Variants in EP400 observed in about 807,000 individuals in gnomAD.
The protein encoded by EP400 is E1A binding protein p400.
EP400 carries 105 observed loss-of-function variants against 354.1 expected under a neutral mutation model. The observed-to-expected ratio is 0.30, with a 90% CI of 0.25 to 0.35. The LOEUF is 0.35. Ranked by LOEUF, EP400 falls within the 10% of genes least tolerant of loss-of-function variation. EP400 has a pLI of 1.00. For missense variants in EP400, 3,280 were observed against 4,121.0 expected (o/e 0.80, Z 5.59); for synonymous variants, 1,646 against 1,716.9 (o/e 0.96, Z 1.02).
chr12:132,078,883 CAG>C lies in EP400; in HGVS notation c.*1211_*1212del, dbSNP rs1896313078. On this transcript the variant is annotated 3_prime_UTR_variant, in exon 53 of 53. Coordinates refer to ENST00000389561, the MANE Select transcript of EP400 (RefSeq NM_015409.5). ...ACTGTTTTTCCTTTTTTTACTATGA[CAG>C]GAAAATAAATGCAATTTTAGTGGAA... 1 of 152,158 alleles carries C rather than the reference CAG, an allele frequency of 6.6e-6. No individual in the cohort carries two copies. Among genetic ancestry groups the C allele is most frequent in the African/African-American group, 2.4e-5 (1 of 41,436 alleles). 9.4% of individuals were successfully genotyped at this position (152,158 alleles called of 1,614,324 possible).
In EP400 at chr12:132,005,150, G is replaced by A. The variant is rs761708175; in HGVS notation, c.2901G>A (p.Pro967=). 76 of 1,583,428 alleles carry A rather than the reference G, an allele frequency of 4.8e-5. No individual in the cohort carries two copies. Among genetic ancestry groups the A allele is most frequent in the Admixed American group, 2.0e-4 (11 of 55,056 alleles). The stretch of plus-strand genomic sequence containing the variant: ...TGCCGAGTTCTCAGTGGCCCCGGCC[G>A]AAGCCTGATGGGGAGGACACAAGCG... ...AFLPSSQWPR[P]KPDGEDTSGE... is the part of the protein sequence containing the mutation. The change falls in exon 13 of 53, where the codon CCG becomes CCA. Residue 967 remains proline (P), a synonymous_variant. Transcript: ENST00000389561.
At chr12:131,982,980 A>T (rs1037537673) in intron 5 of EP400, among the ~76,000 whole-genome samples, 19 of 151,268 alleles carry the variant, frequency 1.3e-4, no homozygotes, top group Non-Finnish European at 2.2e-4. Context: ...AAAAAAAAAA[A>T]AAAAATAATA....
intron 2 of EP400, among the ~76,000 whole-genome samples, chr12:131,976,796 G>T (rs1892491608): frequency 6.6e-6 from 1 of 152,192 alleles, no homozygotes; most frequent in Admixed American, 6.5e-5. Flanking sequence ...TGAAAACTCA[G>T]TTCAGTACTT....
At chr12:132,046,234 A>G (rs1895093173) in intron 39 of EP400, among the ~76,000 whole-genome samples, 1 of 152,208 alleles carries the variant, frequency 6.6e-6, no homozygotes, top group Non-Finnish European at 1.5e-5. Context: ...GTGTCATCTG[A>G]ATACTTGGCC....
chr12:131,967,452 C>G (rs1892140099), intron 2 of EP400, among the ~76,000 whole-genome samples: 1 of 151,782 alleles, frequency 6.6e-6, no homozygotes, highest in African/African-American at 2.4e-5. Context: ...CTTTGGGAGG[C>G]CGAGGCTGGC....
At chr12:131,959,968 G>A (rs1267798575) in intron 1 of EP400, among the ~76,000 whole-genome samples, 1 of 152,200 alleles carries the variant, frequency 6.6e-6, no homozygotes, top group African/African-American at 2.4e-5. Context: ...TAGTCCTGGA[G>A]GTTGATAAGA....
intron 4 of EP400, 78 bp from the exon 5 acceptor site, chr12:131,982,015 A>T (rs1892697505): frequency 1.3e-6 from 2 of 1,482,524 alleles, no homozygotes; most frequent in Non-Finnish European, 1.8e-6. Flanking sequence ...GGGGTGTTAG[A>T]CGTGTCTCCT....
chr12:132,053,577 G>C lies in EP400; in HGVS notation c.7708G>C (p.Gly2570Arg), dbSNP rs1054989089. 3 of 1,565,062 alleles carry C rather than the reference G, an allele frequency of 1.9e-6. No individual in the cohort carries two copies. Among genetic ancestry groups the C allele is most frequent in the Non-Finnish European group, 2.6e-6 (3 of 1,161,646 alleles). ...PAKAQPAITT[G>R]GSAAVLAGTI... ...GAAGGCGCAGCCCGCAATCACGACGGGGGGCAGTGCAGCCGTACTGGTGAG... is the reference window on the plus strand; with the variant it reads ...GAAGGCGCAGCCCGCAATCACGACGCGGGGCAGTGCAGCCGTACTGGTGAG... The change falls in exon 43 of 53, where the codon GGG (glycine) becomes CGG (arginine). Residue 2570 changes from glycine (G) to arginine (R), a missense_variant. Coordinates refer to ENST00000389561, the MANE Select transcript of EP400 (RefSeq NM_015409.5).
chr12:132,050,994 C>A lies in EP400; in HGVS notation c.7394+339C>A. The A allele has an allele frequency of 2.3e-6, 1 of 426,820 alleles. No individual in the cohort carries two copies. The allele number at this position is 426,820 out of a possible 1,614,324, so 26.4% of individuals were successfully genotyped here. A position where few individuals can be genotyped will look rare whatever the true frequency, so the allele number is the denominator to read the frequency against. On this transcript the variant is annotated intron_variant, in intron 41 of 52. Coordinates refer to ENST00000389561, the MANE Select transcript of EP400 (RefSeq NM_015409.5). The surrounding 1 kb of genome is among the most constrained non-coding windows in gnomAD (Gnocchi z 4.8). ...CCACCTCTCAGGCACTGATTTTGTT[C>A]GCCATATCTTAAGAACACACCACAT...
chr12:132,006,586 C>G (rs1245077554), intron 14 of EP400, 114 bp from the exon 15 acceptor site: 1 of 1,116,722 alleles, frequency 9.0e-7, no homozygotes, highest in East Asian at 2.5e-5. Context: ...TTCTGTAGAT[C>G]ATTTTTGTGG....
chr12:132,035,974 A>G (rs1376340393), intron 30 of EP400, among the ~76,000 whole-genome samples: 1 of 140,064 alleles, frequency 7.1e-6, no homozygotes, highest in African/African-American at 2.7e-5. Context: ...GGAACGACAC[A>G]CCCAGGTTCA....
Position 132,062,553 on chromosome 12 carries a change from AGCAGCAGCAG to A in EP400, c.8187_8196del (p.Gln2729HisfsTer45), listed in dbSNP as rs750481199. 17 of 1,552,364 alleles carry A rather than the reference AGCAGCAGCAG, an allele frequency of 1.1e-5. No individual in the cohort carries two copies. The highest frequency in any genetic ancestry group is 1.7e-4 in the Middle Eastern group (1 of 5,892). On this transcript the variant is annotated frameshift_variant, in exon 47 of 53. Transcript: ENST00000389561. LOFTEE classifies it high-confidence loss of function. ...CAGCAGCAGCAGCAGCAACAACAGC[AGCAGCAGCAG>A]CAGCAGCAGCAGCAGCAGCAGCAGC...
At position 132,077,656 on chromosome 12, in the gene EP400, A is replaced by C. The variant is rs1896277650; in HGVS notation, c.9355A>C (p.Lys3119Gln). 7 of 1,610,830 alleles carry C rather than the reference A, an allele frequency of 4.3e-6. No individual in the cohort carries two copies. The highest frequency in any genetic ancestry group is 5.1e-6 in the Non-Finnish European group (6 of 1,178,228). Residue 3119 changes from lysine (K) to glutamine (Q), a missense_variant, in exon 53 of 53, where the codon AAG becomes CAG. Coordinates refer to ENST00000389561, the MANE Select transcript of EP400 (RefSeq NM_015409.5). ...VPAVRLKTPT[K>Q]PPCQ ...TGCTGTCAGGCTAAAGACACCTACT[A>C]AGCCTCCGTGCCAGTAGTCAGGGCA...
At chr12:131,955,963 G>A (rs1324981541) in intron 1 of EP400, among the ~76,000 whole-genome samples, 1 of 152,142 alleles carries the variant, frequency 6.6e-6, no homozygotes, top group African/African-American at 2.4e-5. Flanking sequence ...GTACTTTTGA[G>A]AGACACATTC....
Position 131,968,642 on chromosome 12 carries a change from G to A in EP400, c.1335+6688G>A, listed in dbSNP as rs1175454431. On this transcript the variant is annotated intron_variant, in intron 2 of 52. Coordinates refer to ENST00000389561, the MANE Select transcript of EP400 (RefSeq NM_015409.5). The stretch of plus-strand genomic sequence containing the variant: ...GGGATTTTGATTAGAATTGTGTTGC[G>A]TCCATTGACCTGTTTAGGGAGGAGT... Among the ~76,000 whole-genome samples, 3 of 152,078 alleles carry A rather than the reference G, an allele frequency of 2.0e-5. No individual in the cohort carries two copies. In the South Asian group the frequency reaches 6.2e-4, roughly 31 times the overall value.
chr12:131,976,681 G>A (rs58521850), intron 2 of EP400, among the ~76,000 whole-genome samples: 3,582 of 152,254 alleles, frequency 0.024, 152 homozygotes, highest in African/African-American at 0.082. Flanking sequence ...TTGCACTCCA[G>A]CCTGGGCGAC....
chr12:132,013,583 G>A lies in EP400; in HGVS notation c.3705G>A (p.Arg1235=). 1 of 1,613,932 alleles carries A rather than the reference G, an allele frequency of 6.2e-7. No individual in the cohort carries two copies. The highest frequency in any genetic ancestry group is 8.5e-7 in the Non-Finnish European group (1 of 1,179,922). Residue 1235 remains arginine (R), a synonymous_variant, in exon 18 of 53, where the codon AGG becomes AGA. Transcript: ENST00000389561. The surrounding 1 kb of genome is among the most constrained non-coding windows in gnomAD (Gnocchi z 4.5). ...ACTTCCTGGTCCCAGGGATCTCCAG[G>A]CCCTACCTGAGCTCCCCTCTGAGGG... The part of the protein sequence containing the change: ...MVHFLVPGIS[R]PYLSSPLRAP...
intron 1 of EP400, among the ~76,000 whole-genome samples, chr12:131,950,361 C>T (rs930659050): frequency 2.6e-5 from 4 of 152,116 alleles, no homozygotes; most frequent in African/African-American, 4.8e-5. Context: ...GTTGCGGGAA[C>T]CGGGGGACTC....
At chr12:131,951,899 C>T (rs1371597219) in intron 1 of EP400, among the ~76,000 whole-genome samples, 1 of 152,100 alleles carries the variant, frequency 6.6e-6, no homozygotes, top group Non-Finnish European at 1.5e-5. Context: ...GCCTCAGCTT[C>T]CCAAGTAGCT....
Sources: gnomAD v4.1 joint callset for allele counts (sites outside exome capture counted in the v4.1 genomes callset) on GRCh38, gnomAD v4.1.1 for gene constraint, Gnocchi (gnomAD v3.1) non-coding constraint, MANE v1.5 for transcripts, NCBI Gene and HGNC (gene_info 2026-07-23, HGNC 2026-07-21) for gene names.